The following FAR1 variants were observed in gnomAD, a reference collection of about 807,000 sequenced individuals.
FAR1 encodes fatty acyl-CoA reductase 1.
In FAR1, 22 loss-of-function variants were observed where a neutral mutation model predicts 61.1. The observed-to-expected ratio is 0.36, with a 90% CI of 0.26 to 0.51. The LOEUF (loss-of-function observed/expected upper bound fraction) is 0.51. Among genes scored for constraint, FAR1 ranks in the 20% least tolerant of loss-of-function variants. The pLI, the probability that FAR1 is intolerant of heterozygous loss-of-function variation, is 0.95. For synonymous variants in FAR1, 206 were observed against 209.7 expected, an observed-to-expected ratio of 0.98 and a Z score of 0.15; for missense variants, 359 against 626.9, an observed-to-expected ratio of 0.57 and a Z score of 4.56.
intron 1 of FAR1, among the ~76,000 whole-genome samples, chr11:13,670,571 C>T (rs1192176638): frequency 1.3e-5 from 2 of 152,148 alleles, no homozygotes; most frequent in East Asian, 1.9e-4. Flanking sequence ...GGATTACAGG[C>T]GTTAGCTGCC....
intron 9 of FAR1, chr11:13,720,760 TTATAA>T (rs1848602267): frequency 6.6e-6 from 1 of 152,092 alleles, no homozygotes; most frequent in Non-Finnish European, 1.5e-5. Context: ...CTAATCGTTA[TTATAA>T]TATAAATGAA....
At chr11:13,670,276 G>A (rs1565335811) in intron 1 of FAR1, 1 of 151,000 alleles carries the variant, frequency 6.6e-6, no homozygotes, top group Non-Finnish European at 1.5e-5. Context: ...TATAATTTTT[G>A]TTTTGTTTTG....
chr11:13,674,448 T>C (rs1848043627), intron 1 of FAR1, among the ~76,000 whole-genome samples: 1 of 152,224 alleles, frequency 6.6e-6, no homozygotes, highest in African/African-American at 2.4e-5. Flanking sequence ...TTTAGTTTCC[T>C]CATCTGTAAA....
chr11:13,669,074 G>A (rs887011821), intron 1 of FAR1, among the ~76,000 whole-genome samples: 1 of 152,192 alleles, frequency 6.6e-6, no homozygotes, highest in Admixed American at 6.5e-5. Context: ...TTGCAGCCGC[G>A]GAGCCCGGGG....
intron 10 of FAR1, among the ~76,000 whole-genome samples, chr11:13,724,522 C>T (rs1848649002): frequency 7.1e-6 from 1 of 141,612 alleles, no homozygotes; most frequent in African/African-American, 2.7e-5. Flanking sequence ...TGCACTCCAG[C>T]CTGGGTGACA....
chr11:13,717,156 C>T (rs1034058523), intron 9 of FAR1, among the ~76,000 whole-genome samples: 20 of 152,008 alleles, frequency 1.3e-4, no homozygotes, highest in African/African-American at 3.6e-4. Context: ...TTCCCCCTCG[C>T]GCCTCCCCAT....
chr11:13,720,086 A>G (rs2134198254), intron 9 of FAR1: 1 of 152,248 alleles, frequency 6.6e-6, no homozygotes, highest in East Asian at 1.9e-4. Flanking sequence ...TCACACACAA[A>G]TATATGGCCT....
chr11:13,686,950 T>C (rs1332155851), intron 1 of FAR1, among the ~76,000 whole-genome samples: 3 of 152,204 alleles, frequency 2.0e-5, no homozygotes, highest in Admixed American at 6.5e-5. Context: ...CCATGAGACC[T>C]GCGTGTTCTT....
At chr11:13,719,362 T>C (rs747892412) in intron 9 of FAR1, among the ~76,000 whole-genome samples, 8 of 152,208 alleles carry the variant, frequency 5.3e-5, no homozygotes, top group Non-Finnish European at 1.0e-4. Flanking sequence ...AAATGTTAAA[T>C]ACAAAGTCTT....
chr11:13,679,457 T>G (rs1451565896), intron 1 of FAR1, among the ~76,000 whole-genome samples: 1 of 152,170 alleles, frequency 6.6e-6, no homozygotes, highest in African/African-American at 2.4e-5. Flanking sequence ...ACTTAACTAA[T>G]TGTTAGAACT....
intron 3 of FAR1, among the ~76,000 whole-genome samples, chr11:13,702,425 G>A (rs992907940): frequency 6.6e-5 from 10 of 152,196 alleles, no homozygotes; most frequent in African/African-American, 2.4e-4. Flanking sequence ...TAAAGGGACT[G>A]ATACCCTCAT....
intron 3 of FAR1, among the ~76,000 whole-genome samples, chr11:13,702,256 T>C (rs1488323223): frequency 6.6e-6 from 1 of 152,176 alleles, no homozygotes; most frequent in Admixed American, 6.5e-5. Flanking sequence ...CTATATTTGC[T>C]GATAATACAT....
chr11:13,698,963 A>G (rs927716605), intron 2 of FAR1, among the ~76,000 whole-genome samples: 3 of 151,980 alleles, frequency 2.0e-5, no homozygotes, highest in African/African-American at 7.3e-5. Context: ...TTTCCTGCAT[A>G]CTCTATGTTC....
At chr11:13,723,002 A>C (rs1255328827) in intron 10 of FAR1, among the ~76,000 whole-genome samples, 1 of 152,000 alleles carries the variant, frequency 6.6e-6, no homozygotes, top group Non-Finnish European at 1.5e-5. Context: ...TTTGTAGTGA[A>C]TTCTGAGTTT....
chr11:13,718,510 C>T (rs144221505), intron 9 of FAR1, among the ~76,000 whole-genome samples: 256 of 152,322 alleles, frequency 1.7e-3, no homozygotes, highest in African/African-American at 6.0e-3. Flanking sequence ...GGTCCTTTCA[C>T]ATTTCACTAC....
chr11:13,688,038 A>G (rs1036505724), intron 1 of FAR1, among the ~76,000 whole-genome samples: 2 of 152,050 alleles, frequency 1.3e-5, no homozygotes, highest in Admixed American at 6.5e-5. Flanking sequence ...AACATGGCAC[A>G]TGTATACATA....
At chr11:13,700,094 G>C (rs1848353362) in intron 2 of FAR1, among the ~76,000 whole-genome samples, 1 of 152,202 alleles carries the variant, frequency 6.6e-6, no homozygotes, top group East Asian at 1.9e-4. Flanking sequence ...CTCCTTAACT[G>C]CTCTGAGTCT....
chr11:13,685,406 G>T (rs1343367484), intron 1 of FAR1: 1 of 192,330 alleles, frequency 5.2e-6, no homozygotes, highest in Non-Finnish European at 1.1e-5. Flanking sequence ...GTGTCCAACT[G>T]TCCAGATAGT....
chr11:13,719,468 A>T (rs528274856), intron 9 of FAR1, among the ~76,000 whole-genome samples: 1 of 152,206 alleles, frequency 6.6e-6, no homozygotes, highest in African/African-American at 2.4e-5. Flanking sequence ...CTAATTCTAC[A>T]TTAAACTGAT....
Sources: gnomAD v4.1 joint callset for allele counts (sites outside exome capture counted in the v4.1 genomes callset) on GRCh38, gnomAD v4.1.1 for gene constraint, MANE v1.5 for transcripts, NCBI Gene and HGNC (gene_info 2026-07-23, HGNC 2026-07-21) for gene names.